The following MACROD2 variants were observed in gnomAD, a reference collection of about 807,000 sequenced individuals.
The protein encoded by MACROD2 is mono-ADP ribosylhydrolase 2, also known as ADP-ribose glycohydrolase MACROD2.
A neutral mutation model predicts 70.4 loss-of-function variants in MACROD2; 36 were observed. The ratio of observed to expected loss-of-function variants is 0.51; its 90% CI spans 0.39 to 0.68. The LOEUF is 0.68. Ranked by LOEUF, MACROD2 falls within the 30% of genes least tolerant of loss-of-function variation. MACROD2 has a pLI of 0.00. For missense variants in MACROD2, 496 were observed against 538.4 expected, an observed-to-expected ratio of 0.92 and a Z score of 0.78; for synonymous variants, 172 against 178.8, an observed-to-expected ratio of 0.96 and a Z score of 0.30.
intron 5 of MACROD2, among the ~76,000 whole-genome samples, chr20:14,997,226 A>G (rs1228490407): frequency 6.6e-6 from 1 of 152,192 alleles, no homozygotes; most frequent in Non-Finnish European, 1.5e-5. Context: ...GTACCACAGT[A>G]AAATAAAGCA....
chr20:15,445,434 T>A (rs2046550514), intron 7 of MACROD2, among the ~76,000 whole-genome samples: 3 of 152,192 alleles, frequency 2.0e-5, no homozygotes, highest in African/African-American at 7.2e-5. Context: ...TTGTTTTGAC[T>A]GTAAATAAAT....
chr20:14,483,097 C>T (rs1193843259), intron 3 of MACROD2, among the ~76,000 whole-genome samples: 1 of 152,064 alleles, frequency 6.6e-6, no homozygotes, highest in Non-Finnish European at 1.5e-5. Context: ...AGTTAGGATT[C>T]GGGGTATAAA....
chr20:14,228,978 C>G (rs1183775127), intron 3 of MACROD2, among the ~76,000 whole-genome samples: 1 of 138,884 alleles, frequency 7.2e-6, no homozygotes, highest in East Asian at 2.1e-4. Flanking sequence ...CCACAGCACA[C>G]CAGACTCTGT....
chr20:15,986,731 A>T lies in MACROD2; in HGVS notation c.990A>T (p.Gln330His), dbSNP rs765282812. The T allele has an allele frequency of 6.2e-7, 1 of 1,610,830 alleles. No individual in the cohort carries two copies. Among genetic ancestry groups the T allele is most frequent in the East Asian group, 2.2e-5 (1 of 44,852 alleles). The change falls in exon 14 of 18, where the codon CAA becomes CAT. Residue 330 changes from glutamine to histidine, a missense_variant. By Grantham distance (24) the Gln-to-His change is conservative (BLOSUM62 0). Coordinates refer to ENST00000684519, the MANE Select transcript of MACROD2 (RefSeq NM_001351661.2). Reference sequence around the variant, plus strand: ...TTCAATCACTGTTTTGAACAGGACAAGAGAATGATTCAACGAAGAATGAAA... The same window carrying T: ...TTCAATCACTGTTTTGAACAGGACATGAGAATGATTCAACGAAGAATGAAA... ...SVRDQDHPDGQENDSTKNEIK... is the reference protein window; with the variant it reads ...SVRDQDHPDGHENDSTKNEIK...
intron 6 of MACROD2, among the ~76,000 whole-genome samples, chr20:15,431,185 A>T (rs939840612): frequency 6.6e-6 from 1 of 152,048 alleles, no homozygotes; most frequent in African/African-American, 2.4e-5. Context: ...GATTCCTGAA[A>T]ACTTAGCAGT....
At chr20:15,709,510 T>C (rs1204830360) in intron 8 of MACROD2, among the ~76,000 whole-genome samples, 1 of 151,708 alleles carries the variant, frequency 6.6e-6, no homozygotes, top group Non-Finnish European at 1.5e-5. Context: ...AAAATAAAAA[T>C]AAATAAATTA....
chr20:15,833,298 G>T lies in MACROD2; in HGVS notation c.646-29447G>T, dbSNP rs532323051. ...TGGGAATTGTTCAGCCTGTGAGCAT[G>T]GCAGCCAGATGCACCCCACACTTCG... On this transcript the variant is annotated intron_variant, in intron 8 of 17. Coordinates refer to ENST00000684519, the MANE Select transcript of MACROD2 (RefSeq NM_001351661.2). Among the ~76,000 whole-genome samples the T allele has an allele frequency of 4.6e-5, 7 of 152,314 alleles. No individual in the cohort carries two copies. In the East Asian group the frequency reaches 1.2e-3, roughly 25 times the overall value.
intron 8 of MACROD2, among the ~76,000 whole-genome samples, chr20:15,545,591 T>C (rs2048015600): frequency 6.6e-6 from 1 of 152,186 alleles, no homozygotes; most frequent in African/African-American, 2.4e-5. Context: ...GTCTTCTCTT[T>C]GGCCATATGT....
intron 3 of MACROD2, among the ~76,000 whole-genome samples, chr20:14,436,971 T>C (rs1366585460): frequency 1.3e-5 from 2 of 152,176 alleles, no homozygotes; most frequent in African/African-American, 2.4e-5. Context: ...ATCCTGACAA[T>C]GAAGTGGATT....
chr20:15,740,185 C>G (rs1386431193), intron 8 of MACROD2, among the ~76,000 whole-genome samples: 4 of 152,158 alleles, frequency 2.6e-5, no homozygotes, highest in Admixed American at 2.0e-4. Context: ...ACTTGGAATG[C>G]TATCTGTGAT....
chr20:15,513,983 TAAC>T (rs1313768956), intron 8 of MACROD2, among the ~76,000 whole-genome samples: 5 of 152,190 alleles, frequency 3.3e-5, no homozygotes, highest in Admixed American at 3.3e-4. Flanking sequence ...TTCATTTTTG[TAAC>T]AAAAAAGTTT....
At chr20:15,512,702 A>T (rs550108918) in intron 8 of MACROD2, among the ~76,000 whole-genome samples, 1 of 152,212 alleles carries the variant, frequency 6.6e-6, no homozygotes, top group East Asian at 1.9e-4. Context: ...CCCTCATGTG[A>T]ATCAGACCCT....
In MACROD2 at chr20:14,002,375, A is replaced by G; in HGVS notation, c.134A>G (p.Glu45Gly). The G allele has an allele frequency of 6.2e-7, 1 of 1,605,526 alleles. No individual in the cohort carries two copies. Among genetic ancestry groups the G allele is most frequent in the South Asian group, 1.1e-5 (1 of 89,186 alleles). Residue 45 changes from glutamate to glycine, a missense_variant, in exon 2 of 18, where the codon GAG becomes GGG. Transcript: ENST00000684519. Reference sequence around the variant, plus strand: ...CTGAACAGCATTCTATCATGGAAGGAGGAGATGAAGGGCAAGGGCCAAAAT... The same window carrying G: ...CTGAACAGCATTCTATCATGGAAGGGGGAGATGAAGGGCAAGGGCCAAAAT... Reference protein sequence around the residue: ...IPLNSILSWKEEMKGKGQNDE... With the variant: ...IPLNSILSWKGEMKGKGQNDE...
At chr20:15,723,310 G>A (rs576048219) in intron 8 of MACROD2, among the ~76,000 whole-genome samples, 1 of 152,014 alleles carries the variant, frequency 6.6e-6, no homozygotes, top group African/African-American at 2.4e-5. Context: ...AAAATACATA[G>A]CTTACATTAG....
chr20:15,974,688 G>A (rs1236647649), intron 13 of MACROD2, among the ~76,000 whole-genome samples: 1 of 152,008 alleles, frequency 6.6e-6, no homozygotes, highest in Non-Finnish European at 1.5e-5. Context: ...GAGTTACATG[G>A]GATATCTCTG....
At position 14,050,679 on chromosome 20, in the gene MACROD2, A is replaced by G. The variant is rs180857378; in HGVS notation, c.164-34942A>G. On this transcript the variant is annotated intron_variant, in intron 2 of 17. Coordinates refer to ENST00000684519, the MANE Select transcript of MACROD2 (RefSeq NM_001351661.2). ...AACAAATACATAGAACTTAAATATAATAACCTCAGAGAGATTTCAGAGGGC... is the reference window on the plus strand; with the variant it reads ...AACAAATACATAGAACTTAAATATAGTAACCTCAGAGAGATTTCAGAGGGC... Among the ~76,000 whole-genome samples the G allele has an allele frequency of 1.1e-4, 16 of 152,320 alleles. No individual in the cohort carries two copies. The East Asian group carries it at 2.7e-3, about 26-fold the overall frequency.
intron 2 of MACROD2, among the ~76,000 whole-genome samples, chr20:14,080,970 A>G (rs118077598): frequency 0.019 from 2,892 of 152,314 alleles, 44 homozygotes; most frequent in South Asian, 0.047. Flanking sequence ...TCCTTGAACA[A>G]TAAGAGGGAC....
intron 6 of MACROD2, among the ~76,000 whole-genome samples, chr20:15,240,563 A>G (rs1601286109): frequency 1.3e-5 from 2 of 152,286 alleles, no homozygotes; most frequent in East Asian, 1.9e-4. Context: ...TACCCAGTCT[A>G]AAAAGAAAAG....
At chr20:15,782,083 A>T (rs1375438049) in intron 8 of MACROD2, among the ~76,000 whole-genome samples, 1 of 152,144 alleles carries the variant, frequency 6.6e-6, no homozygotes, top group Non-Finnish European at 1.5e-5. Flanking sequence ...CAAGTCTAGA[A>T]ATACAATTTG....
Sources: gnomAD v4.1 joint callset for allele counts (sites outside exome capture counted in the v4.1 genomes callset) on GRCh38, gnomAD v4.1.1 for gene constraint, MANE v1.5 for transcripts, NCBI Gene and HGNC (gene_info 2026-07-23, HGNC 2026-07-21) for gene names.